Variants in TNMD observed in about 807,000 individuals in gnomAD.
TNMD encodes the protein tenomodulin, also known as BRICHOS domain containing 4.
TNMD carries 15 observed loss-of-function variants against 26.9 expected under a neutral mutation model. The observed-to-expected ratio is 0.56, with a 90% CI of 0.37 to 0.86. The LOEUF is 0.86. TNMD is among the 40% of genes least tolerant of loss of function. The probability of loss-of-function intolerance (pLI) is 0.00; values close to 1 mark genes in which losing one functional copy is unlikely to be tolerated. For missense variants in TNMD, 222 were observed against 242.6 expected (o/e 0.92, Z 0.56); for synonymous variants, 73 against 77.0 (o/e 0.95, Z 0.27).
chrX:100,597,206 A>G (rs1287160121), intron 4 of TNMD, among the ~76,000 whole-genome samples: 1 of 112,068 alleles, frequency 8.9e-6, no homozygotes, highest in Non-Finnish European at 1.9e-5. Flanking sequence ...TAAAACATAC[A>G]CAGACCCAGG....
At chrX:100,598,977 CA>C (rs761751255) in intron 5 of TNMD, 38 bp from the exon 6 acceptor site, 1 of 1,123,683 alleles carries the variant, frequency 8.9e-7, no homozygotes, top group East Asian at 3.1e-5. Flanking sequence ...GGAACATTTG[CA>C]AAGCAGTTGC....
chrX:100,591,205 C>A (rs1010022906), intron 2 of TNMD, among the ~76,000 whole-genome samples: 1 of 111,482 alleles, frequency 9.0e-6, no homozygotes, highest in African/African-American at 3.3e-5. Context: ...CAGGGGTGTA[C>A]TCCTCATCAT....
Position 100,585,260 on chromosome X carries a change from T to G in TNMD, c.78T>G (p.Cys26Trp), listed in dbSNP as rs754490928. The G allele has an allele frequency of 4.1e-6, 5 of 1,210,025 alleles. No individual in the cohort carries two copies. Residue 26 changes from cysteine (C) to tryptophan (W), a missense_variant, in exon 2 of 7, where the codon TGT becomes TGG. Physicochemically the swap from Cys to Trp is radical, Grantham distance 215. Transcript: ENST00000373031. Reference protein sequence around the residue: ...NAEAFKSKKICKSLKICGLVF... With the variant: ...NAEAFKSKKIWKSLKICGLVF... ...AAGCTTTTAAATCCAAGAAAATATG[T>G]AAATCACTTAAGATTTGTGGACTGG...
At chrX:100,585,961 C>A (rs2082921016) in intron 2 of TNMD, among the ~76,000 whole-genome samples, 1 of 112,329 alleles carries the variant, frequency 8.9e-6, no homozygotes, top group South Asian at 3.8e-4. Context: ...AAGGTAGAAG[C>A]ATGCGACACC....
chrX:100,597,472 A>G (rs942962203), intron 4 of TNMD, 32 bp from the exon 5 acceptor site: 4 of 1,205,384 alleles, frequency 3.3e-6, no homozygotes, highest in Non-Finnish European at 3.4e-6. Flanking sequence ...TTTCTCTGCC[A>G]ATCCCTACCC....
intron 2 of TNMD, among the ~76,000 whole-genome samples, chrX:100,591,623 G>A (rs55886727): frequency 9.0e-6 from 1 of 111,546 alleles, no homozygotes; most frequent in Non-Finnish European, 1.9e-5. Flanking sequence ...GGACACCTTT[G>A]ATAGTGGAAT....
chrX:100,592,723 A>G (rs768888897), intron 2 of TNMD, among the ~76,000 whole-genome samples: 2 of 112,440 alleles, frequency 1.8e-5, no homozygotes, highest in East Asian at 5.6e-4. Flanking sequence ...ACTAACATTC[A>G]GTCAATGGCA....
At chrX:100,591,551 C>T (rs1280377624) in intron 2 of TNMD, among the ~76,000 whole-genome samples, 1 of 111,545 alleles carries the variant, frequency 9.0e-6, no homozygotes, top group Non-Finnish European at 1.9e-5. Flanking sequence ...TACCCATCTC[C>T]AAACAGTCCA....
At chrX:100,597,408 C>T in intron 4 of TNMD, 96 bp from the exon 5 acceptor site, 1 of 1,010,339 alleles carries the variant, frequency 9.9e-7, no homozygotes, top group Non-Finnish European at 1.4e-6. Flanking sequence ...AAAATTGTTA[C>T]ACTCAAAATA....
chrX:100,590,622 C>T (rs1354140394), intron 2 of TNMD, among the ~76,000 whole-genome samples: 1 of 111,964 alleles, frequency 8.9e-6, no homozygotes, highest in African/African-American at 3.2e-5. Context: ...TCTTCTTACA[C>T]TTCTCACTGC....
At chrX:100,593,850 G>C in intron 2 of TNMD, 45 bp from the exon 3 acceptor site, 1 of 1,189,396 alleles carries the variant, frequency 8.4e-7, no homozygotes, top group African/African-American at 1.8e-5. Flanking sequence ...CTCACTTTAG[G>C]GACACACTGA....
At chrX:100,593,863 A>AG (rs776193813) in intron 2 of TNMD, 32 bp from the exon 3 acceptor site, 1 of 1,201,529 alleles carries the variant, frequency 8.3e-7, no homozygotes, top group African/African-American at 1.8e-5. Flanking sequence ...CACACTGAGT[A>AG]TCTTAGAGAT....
intron 2 of TNMD, among the ~76,000 whole-genome samples, chrX:100,591,676 C>T (rs1337715710): frequency 9.0e-6 from 1 of 111,465 alleles, no homozygotes; most frequent in South Asian, 3.8e-4. Context: ...TACCCCCTAC[C>T]AAGGATTCAC....
chrX:100,591,916 T>C (rs2082938835), intron 2 of TNMD, among the ~76,000 whole-genome samples: 1 of 111,601 alleles, frequency 9.0e-6, no homozygotes, highest in Non-Finnish European at 1.9e-5. Context: ...GGAAAACTCA[T>C]TCCACAGAAG....
intron 2 of TNMD, 93 bp from the exon 3 acceptor site, chrX:100,593,802 G>C: frequency 2.1e-6 from 2 of 974,681 alleles, no homozygotes. Context: ...TACCAGCTCT[G>C]AAGGGATCCC....
intron 2 of TNMD, among the ~76,000 whole-genome samples, chrX:100,589,411 T>C (rs1466181705): frequency 9.2e-6 from 1 of 109,195 alleles, no homozygotes; most frequent in African/African-American, 3.3e-5. Flanking sequence ...TCTTAAAGCA[T>C]TGTGAGACCC....
intron 2 of TNMD, among the ~76,000 whole-genome samples, chrX:100,588,957 G>A (rs905961223): frequency 1.8e-5 from 2 of 111,148 alleles, no homozygotes; most frequent in Non-Finnish European, 3.8e-5. Flanking sequence ...GAGTGGTAGG[G>A]ATAAGCGGGC....
intron 2 of TNMD, among the ~76,000 whole-genome samples, chrX:100,587,704 A>T (rs2082925836): frequency 8.9e-6 from 1 of 111,939 alleles, no homozygotes; most frequent in African/African-American, 3.2e-5. Context: ...ATCTCAAGAG[A>T]CCATCTATGT....
intron 2 of TNMD, among the ~76,000 whole-genome samples, chrX:100,592,765 T>C (rs2082941462): frequency 1.8e-5 from 2 of 112,223 alleles, no homozygotes; most frequent in Admixed American, 1.9e-4. Flanking sequence ...CCCAACCTGG[T>C]GTAAGTTCTC....
Sources: gnomAD v4.1 joint callset for allele counts (sites outside exome capture counted in the v4.1 genomes callset) on GRCh38, gnomAD v4.1.1 for gene constraint, MANE v1.5 for transcripts, NCBI Gene and HGNC (gene_info 2026-07-23, HGNC 2026-07-21) for gene names.